Variants in PCDHGB1 observed in about 807,000 individuals in gnomAD.
PCDHGB1 encodes the protein protocadherin gamma-B1.
In PCDHGB1, 34 loss-of-function variants were observed where a neutral mutation model predicts 56.6. That is an observed-to-expected ratio of 0.60 (90% CI 0.46 to 0.80). PCDHGB1 has a LOEUF of 0.80. Among genes scored for constraint, PCDHGB1 ranks in the 30% least tolerant of loss-of-function variants. PCDHGB1 has a pLI of 0.00. For synonymous variants in PCDHGB1, 561 were observed against 505.9 expected, an observed-to-expected ratio of 1.11 and a Z score of -1.46; for missense variants, 1,278 against 1,204.6, an observed-to-expected ratio of 1.06 and a Z score of -0.90.
At position 141,351,502 on chromosome 5, in the gene PCDHGB1, C is replaced by A. The variant is rs754605719; in HGVS notation, c.1242C>A (p.Tyr414Ter). The change falls in exon 1 of 4, where the codon TAC (tyrosine) becomes TAA (stop). Residue 414 changes from tyrosine (Y) to a stop codon, truncating the protein, a stop_gained. Coordinates refer to ENST00000523390, the MANE Select transcript of PCDHGB1 (RefSeq NM_018922.3). LOFTEE classifies it high-confidence loss of function. Reference sequence around the variant, plus strand: ...TAAACCGGGAGCAGACAGCAGACTACAACGTCACAATCATAGCCACCGACA... The same window carrying A: ...TAAACCGGGAGCAGACAGCAGACTAAAACGTCACAATCATAGCCACCGACA... ...GALNREQTAD[Y>*]NVTIIATDKG... 5.0e-6 allele frequency: 8 copies of A among 1,614,010 alleles called. No homozygotes were observed. The highest frequency in any genetic ancestry group is 6.8e-6 in the Non-Finnish European group (8 of 1,179,872).
intron 1 of PCDHGB1, chr5:141,409,246 C>A (rs771759898): frequency 1.2e-6 from 2 of 1,614,032 alleles, no homozygotes; most frequent in Admixed American, 3.3e-5. Context: ...CAGAAATAAT[C>A]ATCACTTCTC....
intron 1 of PCDHGB1, chr5:141,395,250 C>A: frequency 6.4e-7 from 1 of 1,558,318 alleles, no homozygotes. Context: ...GAGTTTAGTT[C>A]TTTGCTTGCT....
intron 1 of PCDHGB1, chr5:141,389,614 C>T: frequency 1.2e-6 from 2 of 1,613,064 alleles, no homozygotes; most frequent in Non-Finnish European, 1.7e-6. Context: ...GATATGGTGC[C>T]GCACGCTGCA....
At chr5:141,410,849 C>CTTGTTTTTTTTTTTTTTT (rs2095431880) in intron 1 of PCDHGB1, 1 of 129,786 alleles carries the variant, frequency 7.7e-6, no homozygotes, top group African/African-American at 6.0e-5. Context: ...TTGTCTTTGT[C>CTTGTTTTTTTTTTTTTTT]TTTTTTTTTT....
At chr5:141,415,023 C>G in intron 1 of PCDHGB1, 1 of 1,613,530 alleles carries the variant, frequency 6.2e-7, no homozygotes, top group Non-Finnish European at 8.5e-7. Context: ...TCAAGGCCAG[C>G]GAGCCGGGAC....
In PCDHGB1 at chr5:141,389,513, C is replaced by A. The variant is rs749432491; in HGVS notation, c.2409+36844C>A. 2.5e-6 allele frequency: 4 copies of A among 1,613,038 alleles called. No homozygotes were observed. The Admixed American group carries it at 5.0e-5, about 20-fold the overall frequency. On this transcript the variant is annotated intron_variant, in intron 1 of 3. Coordinates refer to ENST00000523390, the MANE Select transcript of PCDHGB1 (RefSeq NM_018922.3). ...AGGGCTCGCCAGCGCTCAGCGCGAACGTGAGCCTGCGCGTGTTAGTGGACG... is the reference window on the plus strand; with the variant it reads ...AGGGCTCGCCAGCGCTCAGCGCGAAAGTGAGCCTGCGCGTGTTAGTGGACG...
Position 141,415,188 on chromosome 5 carries a change from C to G in PCDHGB1, c.2409+62519C>G, listed in dbSNP as rs2095841560. On this transcript the variant is annotated intron_variant, in intron 1 of 3. Coordinates refer to ENST00000523390, the MANE Select transcript of PCDHGB1 (RefSeq NM_018922.3). Reference sequence around the variant, plus strand: ...CGCTCACCGTGGCCGTGGCCGACAGCATCCCCCAAGTCCTGGCGGACCTCG... The same window carrying G: ...CGCTCACCGTGGCCGTGGCCGACAGGATCCCCCAAGTCCTGGCGGACCTCG... 3 of 1,614,006 alleles carry G rather than the reference C, an allele frequency of 1.9e-6. No homozygotes were observed. The East Asian group carries it at 6.7e-5, about 36-fold the overall frequency.
intron 1 of PCDHGB1, chr5:141,394,345 C>T (rs748471730): frequency 1.2e-6 from 2 of 1,614,146 alleles, no homozygotes; most frequent in Non-Finnish European, 1.7e-6. Context: ...AACTCTGACA[C>T]CGGTGTCCTG....
rs575695102 is a variant in PCDHGB1 at position 141,421,063 on chromosome 5, G to C, written c.2409+68394G>C. 16 of 581,866 alleles carry C rather than the reference G, an allele frequency of 2.7e-5. No individual in the cohort carries two copies. The African/African-American group carries it at 2.9e-4, about 10-fold the overall frequency. 36.0% of individuals were successfully genotyped at this position (581,866 alleles called of 1,614,324 possible). A position where few individuals can be genotyped will look rare whatever the true frequency, so the allele number is the denominator to read the frequency against. ...CTCCCCCGCCTCTACCACACAAAGC[G>C]GAATGAGATGGATACTCACAGATCC... On this transcript the variant is annotated intron_variant, in intron 1 of 3. Coordinates refer to ENST00000523390, the MANE Select transcript of PCDHGB1 (RefSeq NM_018922.3).
chr5:141,364,808 G>A (rs1235589231), intron 1 of PCDHGB1: 2 of 1,614,026 alleles, frequency 1.2e-6, no homozygotes, highest in East Asian at 2.2e-5. Context: ...CGCGCGGGAT[G>A]CGGATGTGGG....
intron 1 of PCDHGB1, chr5:141,422,160 A>C: frequency 6.4e-7 from 1 of 1,573,304 alleles, no homozygotes; most frequent in South Asian, 1.2e-5. Context: ...TGGATTTTGA[A>C]AAATATAGAT....
chr5:141,378,022 A>G (rs1411303620), intron 1 of PCDHGB1: 2 of 152,188 alleles, frequency 1.3e-5, no homozygotes, highest in Non-Finnish European at 2.9e-5. Flanking sequence ...TACTTATATT[A>G]TTTTTTAAAA....
At chr5:141,488,207 TC>T (rs2099672969) in intron 1 of PCDHGB1, among the ~76,000 whole-genome samples, 1 of 152,216 alleles carries the variant, frequency 6.6e-6, no homozygotes, top group Non-Finnish European at 1.5e-5. Context: ...AGGACTCATA[TC>T]AAGTCCCTAC....
Position 141,366,719 on chromosome 5 carries a change from G to C in PCDHGB1, c.2409+14050G>C, listed in dbSNP as rs775968939. The C allele has an allele frequency of 1.9e-6, 3 of 1,613,834 alleles. No homozygotes were observed. The Admixed American group carries it at 5.0e-5, about 27-fold the overall frequency. ...CGAGCCTCTTCTGATGTCTGATAAG[G>C]TAGATGCAAACAAAGAAGAACGGCG... On this transcript the variant is annotated intron_variant, in intron 1 of 3. Coordinates refer to ENST00000523390, the MANE Select transcript of PCDHGB1 (RefSeq NM_018922.3).
At chr5:141,389,032 A>C in intron 1 of PCDHGB1, 1 of 1,613,974 alleles carries the variant, frequency 6.2e-7, no homozygotes, top group Non-Finnish European at 8.5e-7. Flanking sequence ...GTGACTTGTA[A>C]ATTGGAAGGT....
Position 141,351,779 on chromosome 5 carries a change from AGCGGGGTGGTG to A in PCDHGB1, c.1520_1530del (p.Ser507IlefsTer43), listed in dbSNP as rs755558848. 1 of 1,613,332 alleles carries A rather than the reference AGCGGGGTGGTG, an allele frequency of 6.2e-7. No individual in the cohort carries two copies. The highest frequency in any genetic ancestry group is 1.3e-5 in the African/African-American group (1 of 74,954). ...GTCCTACGTGTCCGTGAGCCCGCAG[AGCGGGGTGGTG>A]TTCGCGCAGCGCGCCTTCGACCACG... On this transcript the variant is annotated frameshift_variant, in exon 1 of 4. Coordinates refer to ENST00000523390, the MANE Select transcript of PCDHGB1 (RefSeq NM_018922.3). LOFTEE classifies it high-confidence loss of function.
chr5:141,374,826 G>A (rs768485677), intron 1 of PCDHGB1: 141 of 1,613,770 alleles, frequency 8.7e-5, no homozygotes, highest in Non-Finnish European at 1.1e-4. Context: ...CCTGTCTACC[G>A]TGTAAGTGTT....
intron 1 of PCDHGB1, chr5:141,426,860 A>T (rs771106873): frequency 2.6e-5 from 12 of 456,702 alleles, no homozygotes; most frequent in Admixed American, 2.3e-4. Flanking sequence ...CTCCAGAATT[A>T]GTGCTGGAGA....
chr5:141,488,633 A>G (rs2099677537), intron 1 of PCDHGB1, among the ~76,000 whole-genome samples: 1 of 152,174 alleles, frequency 6.6e-6, no homozygotes, highest in South Asian at 2.1e-4. Context: ...TCACCTTAGC[A>G]GCATTCAGCA....
Sources: gnomAD v4.1 joint callset for allele counts (sites outside exome capture counted in the v4.1 genomes callset) on GRCh38, gnomAD v4.1.1 for gene constraint, MANE v1.5 for transcripts, NCBI Gene and HGNC (gene_info 2026-07-23, HGNC 2026-07-21) for gene names.